The following COQ8A variants were observed in gnomAD, a reference collection of about 807,000 sequenced individuals.
COQ8A encodes the protein atypical kinase COQ8A, mitochondrial.
In COQ8A, 51 loss-of-function variants were observed where a neutral mutation model predicts 65.0. That is an observed-to-expected ratio of 0.78 (90% CI 0.63 to 0.99). The LOEUF is 0.99. COQ8A is among the 50% of genes least tolerant of loss of function. The probability of loss-of-function intolerance (pLI) is 0.00; values close to 1 mark genes in which losing one functional copy is unlikely to be tolerated. For synonymous variants in COQ8A, 371 were observed against 353.2 expected, an observed-to-expected ratio of 1.05 and a Z score of -0.57; for missense variants, 940 against 875.0, an observed-to-expected ratio of 1.07 and a Z score of -0.94.
intron 1 of COQ8A, among the ~76,000 whole-genome samples, chr1:226,953,994 T>C (rs184268620): frequency 6.6e-6 from 1 of 152,352 alleles, no homozygotes; most frequent in Admixed American, 6.5e-5. Flanking sequence ...CGTAAAGGAA[T>C]GTTTCAGTGC....
At chr1:226,984,776 TG>T in intron 12 of COQ8A, 99 bp from the exon 13 acceptor site, 1 of 1,492,420 alleles carries the variant, frequency 6.7e-7, no homozygotes, top group Non-Finnish European at 9.3e-7. Flanking sequence ...GCTCTGGGAG[TG>T]GGGATCCTCA....
At chr1:226,951,783 A>G (rs1415738018) in intron 1 of COQ8A, among the ~76,000 whole-genome samples, 2 of 152,128 alleles carry the variant, frequency 1.3e-5, no homozygotes, top group Admixed American at 6.5e-5. Flanking sequence ...AAAAAAGAAA[A>G]AAAAAAGAAA....
chr1:226,961,671 G>C, intron 2 of COQ8A, 109 bp downstream of exon 2: 1 of 1,330,852 alleles, frequency 7.5e-7, no homozygotes, highest in Non-Finnish European at 1.0e-6. Context: ...GGTGGCCAGG[G>C]CCTGAGGGCC....
chr1:226,953,839 G>A (rs1279453445), intron 1 of COQ8A, among the ~76,000 whole-genome samples: 3 of 152,200 alleles, frequency 2.0e-5, no homozygotes, highest in Admixed American at 6.5e-5. Context: ...TAAAGACTGA[G>A]GTGAAGGTTA....
chr1:226,969,525 C>T (rs1390729496), intron 4 of COQ8A, among the ~76,000 whole-genome samples: 2 of 152,186 alleles, frequency 1.3e-5, no homozygotes, highest in East Asian at 1.9e-4. Flanking sequence ...CGTGAGCCAC[C>T]GCGCCCGGCC....
rs1324057300 is a variant in COQ8A at position 226,984,856 on chromosome 1, C to T, written c.1507-20C>T. On this transcript the variant is annotated intron_variant, in intron 12 of 14. Transcript: ENST00000366777. ...CATGGAGCACCAGGGCCAAACTTCTCCTGGTGTCTCTGTCCCCAGGTGGCT... is the reference window on the plus strand; with the variant it reads ...CATGGAGCACCAGGGCCAAACTTCTTCTGGTGTCTCTGTCCCCAGGTGGCT... 2.5e-6 allele frequency: 4 copies of T among 1,614,064 alleles called. No homozygotes were observed. Among genetic ancestry groups the T allele is most frequent in the Admixed American group, 1.7e-5 (1 of 60,024 alleles).
rs1659496740 is a variant in COQ8A at position 226,978,811 on chromosome 1, A to G, written c.730+1288A>G. 2.0e-5 allele frequency among the ~76,000 whole-genome samples: 2 copies of G among 99,094 alleles called. 1 individual carries two copies. The highest frequency in any genetic ancestry group is 2.0e-4 in the Admixed American group (2 of 10,074). The allele number at this position is 99,094 out of a possible 152,430, so 65.0% of individuals were successfully genotyped here. A position where few individuals can be genotyped will look rare whatever the true frequency, so the allele number is the denominator to read the frequency against. ...ACCTCTCACCCGCACAGCTCCTTAC[A>G]CACCCTCCATGCACACACCTCCTTA... On this transcript the variant is annotated intron_variant, in intron 5 of 14. Coordinates refer to ENST00000366777, the MANE Select transcript of COQ8A (RefSeq NM_020247.5).
In COQ8A at chr1:226,964,924, T is replaced by C. The variant is rs891953241; in HGVS notation, c.178-76T>C. 4 of 1,545,942 alleles carry C rather than the reference T, an allele frequency of 2.6e-6. No homozygotes were observed. In the East Asian group the frequency reaches 9.0e-5, roughly 35 times the overall value. ...GCGGGATGCTGGTGGTGTGCTGTCC[T>C]GGGCAGCAGGGGACAGGCAGGGAGG... On this transcript the variant is annotated intron_variant, in intron 2 of 14. Transcript: ENST00000366777.
chr1:226,961,175 C>G (rs1476700947), intron 1 of COQ8A, among the ~76,000 whole-genome samples: 3 of 152,206 alleles, frequency 2.0e-5, no homozygotes, highest in Admixed American at 6.5e-5. Context: ...GGCCTTTATT[C>G]TGCTCCATTC....
intron 5 of COQ8A, among the ~76,000 whole-genome samples, chr1:226,978,953 AC>A (rs1659527248): frequency 6.7e-6 from 1 of 149,990 alleles, no homozygotes; most frequent in African/African-American, 2.4e-5. Flanking sequence ...CACACACCTT[AC>A]CCTCCACACA....
intron 4 of COQ8A, among the ~76,000 whole-genome samples, chr1:226,971,161 G>C (rs1433444048): frequency 3.9e-5 from 6 of 151,944 alleles, no homozygotes; most frequent in Admixed American, 2.6e-4. Flanking sequence ...GGCTGATCTC[G>C]AACTCCTGAC....
At chr1:226,968,942 G>A (rs75428649) in intron 4 of COQ8A, among the ~76,000 whole-genome samples, 4,463 of 152,258 alleles carry the variant, frequency 0.029, 241 homozygotes, top group African/African-American at 0.1. Flanking sequence ...CTGAACTTTA[G>A]TTCATCATAA....
At chr1:226,968,388 G>A (rs375133624) in intron 4 of COQ8A, among the ~76,000 whole-genome samples, 6 of 152,054 alleles carry the variant, frequency 3.9e-5, no homozygotes, top group Non-Finnish European at 5.9e-5. Context: ...AATTAATATC[G>A]TACATCCTTA....
chr1:226,969,796 C>A (rs2148074388), intron 4 of COQ8A, among the ~76,000 whole-genome samples: 1 of 152,176 alleles, frequency 6.6e-6, no homozygotes, highest in South Asian at 2.1e-4. Flanking sequence ...GATAATCTTA[C>A]AATGAGAATA....
At position 226,984,077 on chromosome 1, in the gene COQ8A, C is replaced by A; in HGVS notation, c.1257-17C>A. 1 of 1,612,886 alleles carries A rather than the reference C, an allele frequency of 6.2e-7. No individual in the cohort carries two copies. The highest frequency in any genetic ancestry group is 1.1e-5 in the South Asian group (1 of 91,052). ...GGAGGGCCTGTGGCTAGGGCGTGAC[C>A]TCCCTCCCCTACCCAGGGACCTGCT... On this transcript the variant is annotated splice_polypyrimidine_tract_variant and intron_variant, in intron 10 of 14. Transcript: ENST00000366777.
At chr1:226,961,267 G>GA (rs1658237730) in intron 1 of COQ8A, 110 bp from the exon 2 acceptor site, 1 of 1,242,224 alleles carries the variant, frequency 8.1e-7, no homozygotes, top group Non-Finnish European at 1.2e-6. Flanking sequence ...GAGATCAGTG[G>GA]AAAAACCAGC....
chr1:226,977,599 G>T, intron 5 of COQ8A, 76 bp downstream of exon 5: 1 of 1,480,344 alleles, frequency 6.8e-7, no homozygotes, highest in Non-Finnish European at 9.2e-7. Flanking sequence ...AGCCCCACCT[G>T]TGCTCTGGGA....
chr1:226,977,659 C>T, intron 5 of COQ8A, 136 bp downstream of exon 5: 1 of 959,868 alleles, frequency 1.0e-6, no homozygotes, highest in Non-Finnish European at 1.6e-6. Context: ...TAAGTGGCGT[C>T]CCTGGGGTGA....
In COQ8A at chr1:226,948,416, C is replaced by T. The variant is rs1437292274; in HGVS notation, c.-10+8017C>T. ...TCCCCCATCTCAGGATCCCTGACTT[C>T]ATCATATCTGCAAAGTCCCATTTGC... On this transcript the variant is annotated intron_variant, in intron 1 of 14. Coordinates refer to ENST00000366777, the MANE Select transcript of COQ8A (RefSeq NM_020247.5). 3.9e-5 allele frequency among the ~76,000 whole-genome samples: 6 copies of T among 152,188 alleles called. No homozygotes were observed. In the South Asian group the frequency reaches 6.2e-4, roughly 16 times the overall value.
Sources: gnomAD v4.1 joint callset for allele counts (sites outside exome capture counted in the v4.1 genomes callset) on GRCh38, gnomAD v4.1.1 for gene constraint, MANE v1.5 for transcripts, NCBI Gene and HGNC (gene_info 2026-07-23, HGNC 2026-07-21) for gene names.